SPCS2: variants seen among roughly 807,000 people sequenced by gnomAD.
The protein encoded by SPCS2 is SPase 25 kDa subunit.
A neutral mutation model predicts 22.3 loss-of-function variants in SPCS2; 3 were observed. That is an observed-to-expected ratio of 0.13 (90% confidence interval 0.06 to 0.35). SPCS2 has a LOEUF of 0.35. Among genes scored for constraint, SPCS2 ranks in the 10% least tolerant of loss-of-function variants. The pLI is 1.00. For synonymous variants in SPCS2, 67 were observed against 97.2 expected, an observed-to-expected ratio of 0.69 and a Z score of 1.83; for missense variants, 169 against 280.9, an observed-to-expected ratio of 0.60 and a Z score of 2.85.
chr11:74,951,970 G>T (rs1411871172), intron 1 of SPCS2, among the ~76,000 whole-genome samples: 1 of 152,108 alleles, frequency 6.6e-6, no homozygotes, highest in African/African-American at 2.4e-5. Flanking sequence ...TGTTTCTCAG[G>T]TATTGAGTTG....
At chr11:74,955,863 T>C (rs1164621470) in intron 1 of SPCS2, among the ~76,000 whole-genome samples, 1 of 93,598 alleles carries the variant, frequency 1.1e-5, no homozygotes, top group Admixed American at 1.0e-4. Context: ...TATATATATA[T>C]ATATATATAT....
chr11:74,978,321 C>T lies in SPCS2; in HGVS notation c.*1278C>T, dbSNP rs189300997. 6.6e-6 allele frequency: 1 copy of T among 152,344 alleles called. No homozygotes were observed. Among genetic ancestry groups the T allele is most frequent in the African/African-American group, 2.4e-5 (1 of 41,580 alleles). The allele number at this position is 152,344 out of a possible 1,614,324, so 9.4% of individuals were successfully genotyped here. ...CTTGGAGAGGTTGTCCTATCTCGCACCACATGGTAGGGAATTGTGAACAAC... is the reference window on the plus strand; with the variant it reads ...CTTGGAGAGGTTGTCCTATCTCGCATCACATGGTAGGGAATTGTGAACAAC... On this transcript the variant is annotated 3_prime_UTR_variant, in exon 5 of 5. Transcript: ENST00000263672.
chr11:74,962,004 C>G (rs1948517208), intron 1 of SPCS2, among the ~76,000 whole-genome samples: 1 of 152,106 alleles, frequency 6.6e-6, no homozygotes, highest in South Asian at 2.1e-4. Context: ...TTTTGTTGGC[C>G]TGTCATTTAC....
intron 1 of SPCS2, among the ~76,000 whole-genome samples, chr11:74,953,081 G>C (rs1348423133): frequency 6.6e-6 from 1 of 152,122 alleles, no homozygotes; most frequent in South Asian, 2.1e-4. Flanking sequence ...AGAGGATGGT[G>C]CCTCTAATTG....
At chr11:74,965,990 C>G (rs1459517865) in intron 3 of SPCS2, 67 bp downstream of exon 3, 1 of 1,453,990 alleles carries the variant, frequency 6.9e-7, no homozygotes, top group East Asian at 2.3e-5. Flanking sequence ...ATATTTCTCC[C>G]TACAAAAAAC....
intron 1 of SPCS2, among the ~76,000 whole-genome samples, chr11:74,960,812 A>G (rs1948509456): frequency 6.6e-6 from 1 of 152,180 alleles, no homozygotes; most frequent in Non-Finnish European, 1.5e-5. Context: ...TAAGTGAGAT[A>G]GTGTATATAA....
intron 1 of SPCS2, among the ~76,000 whole-genome samples, chr11:74,953,518 G>A (rs1026828230): frequency 6.6e-6 from 1 of 152,128 alleles, no homozygotes; most frequent in Admixed American, 6.5e-5. Flanking sequence ...AATTTGATGT[G>A]TCTTGATTTG....
chr11:74,956,828 T>G (rs1948481842), intron 1 of SPCS2, among the ~76,000 whole-genome samples: 1 of 152,014 alleles, frequency 6.6e-6, no homozygotes, highest in African/African-American at 2.4e-5. Flanking sequence ...TCTGCTTGAG[T>G]CATTATACTC....
Position 74,976,837 on chromosome 11 carries a change from A to G in SPCS2, c.495-20A>G, listed in dbSNP as rs781756419. The G allele has an allele frequency of 6.2e-7, 1 of 1,613,312 alleles. No individual in the cohort carries two copies. On this transcript the variant is annotated intron_variant, in intron 4 of 4. Coordinates refer to ENST00000263672, the MANE Select transcript of SPCS2 (RefSeq NM_014752.3). ...CTCTGTGTTTGGTTTTTAATTTGTT[A>G]TCTTTGCCCCCATGCTTAGGTTTGA...
chr11:74,963,845 A>T (rs1164488803), intron 1 of SPCS2, among the ~76,000 whole-genome samples: 8 of 152,196 alleles, frequency 5.3e-5, no homozygotes, highest in Non-Finnish European at 8.8e-5. Flanking sequence ...ATTTTTATGG[A>T]ATACAATATT....
At chr11:74,964,111 C>T (rs1948530661) in intron 1 of SPCS2, among the ~76,000 whole-genome samples, 1 of 152,176 alleles carries the variant, frequency 6.6e-6, no homozygotes, top group African/African-American at 2.4e-5. Flanking sequence ...TAACCAATCC[C>T]CTTGTAAATG....
chr11:74,960,004 G>A (rs1006526872), intron 1 of SPCS2, among the ~76,000 whole-genome samples: 5 of 152,138 alleles, frequency 3.3e-5, no homozygotes, highest in Non-Finnish European at 7.3e-5. Flanking sequence ...TGTTTTCTTT[G>A]AACTGGTTAG....
chr11:74,976,971 G>A lies in SPCS2; in HGVS notation c.609G>A (p.Leu203=). ...IAKFFDHSGT[L]VMDAYEPEIS... ...AGTTTTTTGACCACAGTGGGACACTGGTCATGGATGCATATGAGCCTGAAA... is the reference window on the plus strand; with the variant it reads ...AGTTTTTTGACCACAGTGGGACACTAGTCATGGATGCATATGAGCCTGAAA... Residue 203 remains leucine (L), a synonymous_variant, in exon 5 of 5, where the codon CTG becomes CTA. Transcript: ENST00000263672. 1.2e-6 allele frequency: 2 copies of A among 1,606,104 alleles called. No homozygotes were observed. The highest frequency in any genetic ancestry group is 1.1e-5 in the South Asian group (1 of 90,690).
chr11:74,965,362 TATAATA>T (rs1948537870), intron 2 of SPCS2, among the ~76,000 whole-genome samples: 1 of 151,678 alleles, frequency 6.6e-6, no homozygotes, highest in African/African-American at 2.4e-5. Flanking sequence ...AAACTTAAAG[TATAATA>T]ATAATAAAAT....
chr11:74,963,474 A>G (rs1948525705), intron 1 of SPCS2: 2 of 326,446 alleles, frequency 6.1e-6, no homozygotes, highest in African/African-American at 2.3e-5. Context: ...AACAAGGTTG[A>G]TGAATTGTAT....
chr11:74,966,881 A>C (rs1024633237), intron 3 of SPCS2, among the ~76,000 whole-genome samples: 3 of 151,688 alleles, frequency 2.0e-5, no homozygotes, highest in East Asian at 1.9e-4. Flanking sequence ...TCCCACCTCA[A>C]CCTCCTGAGT....
At chr11:74,952,160 C>T (rs966087182) in intron 1 of SPCS2, among the ~76,000 whole-genome samples, 3 of 151,958 alleles carry the variant, frequency 2.0e-5, no homozygotes, top group African/African-American at 7.3e-5. Context: ...TTAATAAGGC[C>T]GTATACACAG....
chr11:74,962,207 C>CA (rs1948518685), intron 1 of SPCS2, among the ~76,000 whole-genome samples: 1 of 152,138 alleles, frequency 6.6e-6, no homozygotes, highest in Admixed American at 6.5e-5. Flanking sequence ...AGAACTTTTT[C>CA]TAGATTTCCA....
intron 1 of SPCS2, among the ~76,000 whole-genome samples, chr11:74,962,780 T>G (rs1825099220): frequency 6.6e-6 from 1 of 152,222 alleles, no homozygotes; most frequent in African/African-American, 2.4e-5. Flanking sequence ...TTATAACCTT[T>G]CTTGTGATTT....
Sources: allele counts gnomAD v4.1 joint callset (sites outside exome capture counted in the v4.1 genomes callset), GRCh38; gene constraint gnomAD v4.1.1; transcripts MANE v1.5; gene names NCBI Gene and HGNC (gene_info 2026-07-23, HGNC 2026-07-21).